ST18: variants seen among roughly 807,000 people sequenced by gnomAD.
ST18 encodes the protein suppression of tumorigenicity 18 protein.
Under a neutral mutation model 110.0 loss-of-function variants are expected in ST18, and 50 were observed. The observed-to-expected ratio is 0.45, with a 90% confidence interval of 0.36 to 0.58. The LOEUF is 0.58. Among genes scored for constraint, ST18 ranks in the 20% least tolerant of loss-of-function variants. The probability of loss-of-function intolerance (pLI) is 0.00; values close to 1 mark genes in which losing one functional copy is unlikely to be tolerated. For missense variants in ST18, 1,306 were observed against 1,280.1 expected, an observed-to-expected ratio of 1.02 and a Z score of -0.31; for synonymous variants, 461 against 452.4, an observed-to-expected ratio of 1.02 and a Z score of -0.24.
At chr8:52,276,024 CA>C (rs1201874157) in intron 2 of ST18, among the ~76,000 whole-genome samples, 3 of 19,816 alleles carry the variant, frequency 1.5e-4, no homozygotes, top group Admixed American at 6.1e-4. Context: ...ACATACCCCC[CA>C]CACACACACC....
At chr8:52,378,958 T>A (rs1034649286) in intron 2 of ST18, among the ~76,000 whole-genome samples, 13 of 152,180 alleles carry the variant, frequency 8.5e-5, no homozygotes, top group South Asian at 8.3e-4. Flanking sequence ...TGATTCTGCA[T>A]CCCTCATCAT....
chr8:52,128,822 G>A (rs2048093679), intron 22 of ST18, among the ~76,000 whole-genome samples: 1 of 152,088 alleles, frequency 6.6e-6, no homozygotes, highest in South Asian at 2.1e-4. Flanking sequence ...TCTGTCAACT[G>A]AGGATAATTA....
chr8:52,190,629 T>A (rs766233056), intron 8 of ST18, among the ~76,000 whole-genome samples: 1 of 152,092 alleles, frequency 6.6e-6, no homozygotes, highest in Non-Finnish European at 1.5e-5. Context: ...GAACCAAGAG[T>A]AGTTAGCATT....
At chr8:52,315,308 G>T (rs2096003598) in intron 2 of ST18, among the ~76,000 whole-genome samples, 1 of 152,146 alleles carries the variant, frequency 6.6e-6, no homozygotes, top group Non-Finnish European at 1.5e-5. Context: ...TCATTGTAAA[G>T]AATGCATTTT....
chr8:52,359,555 C>T (rs1364172784), intron 2 of ST18, among the ~76,000 whole-genome samples: 6 of 152,032 alleles, frequency 3.9e-5, no homozygotes, highest in Admixed American at 3.3e-4. Flanking sequence ...TACAAAATCA[C>T]GAACTCATCA....
intron 24 of ST18, among the ~76,000 whole-genome samples, chr8:52,116,943 T>A (rs1305551146): frequency 6.6e-6 from 1 of 152,090 alleles, no homozygotes; most frequent in African/African-American, 2.4e-5. Flanking sequence ...CCATCTAATC[T>A]CTTTTTGGCC....
chr8:52,209,963 C>T, intron 8 of ST18: 1 of 414,958 alleles, frequency 2.4e-6, no homozygotes, highest in Non-Finnish European at 4.8e-6. Flanking sequence ...TCTTCTAGGC[C>T]AATGTACACA....
At chr8:52,340,477 C>T (rs943629962) in intron 2 of ST18, among the ~76,000 whole-genome samples, 10 of 152,188 alleles carry the variant, frequency 6.6e-5, no homozygotes, top group African/African-American at 1.7e-4. Context: ...TATGACCACA[C>T]GGACAAAGTG....
chr8:52,166,712 C>A, intron 11 of ST18, 140 bp downstream of exon 11: 1 of 1,172,836 alleles, frequency 8.5e-7, no homozygotes, highest in South Asian at 2.5e-5. Context: ...ATTTTAAAAC[C>A]CACAGCTAGA....
chr8:52,338,324 C>G (rs1813162903), intron 2 of ST18, among the ~76,000 whole-genome samples: 1 of 152,078 alleles, frequency 6.6e-6, no homozygotes, highest in Admixed American at 6.5e-5. Context: ...TCCCAAAGTA[C>G]TGGGATTACA....
chr8:52,360,294 AC>A (rs1825131764), intron 2 of ST18, among the ~76,000 whole-genome samples: 1 of 152,100 alleles, frequency 6.6e-6, no homozygotes, highest in South Asian at 2.1e-4. Context: ...CTTAGGTTGA[AC>A]TTTTTATAAG....
chr8:52,326,733 A>C (rs1382138904), intron 2 of ST18, among the ~76,000 whole-genome samples: 2 of 152,214 alleles, frequency 1.3e-5, no homozygotes, highest in Non-Finnish European at 2.9e-5. Flanking sequence ...ATAAATACTG[A>C]AAAAGAATTA....
intron 2 of ST18, among the ~76,000 whole-genome samples, chr8:52,357,708 TA>T (rs1564568481): frequency 0.02 from 2,022 of 103,036 alleles, 99 homozygotes; most frequent in East Asian, 0.089. Flanking sequence ...TATATATATA[TA>T]TATATATATA....
chr8:52,302,608 G>GGGCAGAA (rs1232055180), intron 2 of ST18, among the ~76,000 whole-genome samples: 2 of 152,128 alleles, frequency 1.3e-5, no homozygotes, highest in African/African-American at 4.8e-5. Flanking sequence ...GATGAGGCAA[G>GGGCAGAA]GGCAGAACAG....
At chr8:52,137,739 A>G (rs16917282) in intron 17 of ST18, 76,415 of 414,196 alleles carry the variant, frequency 0.18, 8,725 homozygotes, top group African/African-American at 0.38. Context: ...ATTTGATTCC[A>G]TTGATGTGGG....
intron 2 of ST18, among the ~76,000 whole-genome samples, chr8:52,298,972 A>T (rs2095674145): frequency 6.6e-6 from 1 of 152,110 alleles, no homozygotes; most frequent in Admixed American, 6.5e-5. Context: ...CTGAATTTGT[A>T]TTACTGCGTG....
intron 15 of ST18, among the ~76,000 whole-genome samples, chr8:52,156,944 G>A (rs560550583): frequency 1.3e-5 from 2 of 152,196 alleles, no homozygotes; most frequent in Non-Finnish European, 2.9e-5. Context: ...TTCCACCCTC[G>A]TCACCACATC....
chr8:52,329,878 C>G (rs759159138), intron 2 of ST18, among the ~76,000 whole-genome samples: 19 of 152,182 alleles, frequency 1.2e-4, no homozygotes, highest in Non-Finnish European at 1.9e-4. Context: ...TCACTACCTC[C>G]CCTTCTCTGT....
chr8:52,217,425 T>A (rs1415309603), intron 6 of ST18, among the ~76,000 whole-genome samples: 1 of 152,120 alleles, frequency 6.6e-6, no homozygotes, highest in Non-Finnish European at 1.5e-5. Context: ...ACTTATTATG[T>A]ATAATATTTA....
Sources: allele counts gnomAD v4.1 joint callset (sites outside exome capture counted in the v4.1 genomes callset), GRCh38; gene constraint gnomAD v4.1.1; transcripts MANE v1.5; gene names NCBI Gene and HGNC (gene_info 2026-07-23, HGNC 2026-07-21).